Variants in CSMD3 observed in about 807,000 individuals in gnomAD.
The protein encoded by CSMD3 is CUB and sushi domain-containing protein 3.
In CSMD3, 177 loss-of-function variants were observed where a neutral mutation model predicts 435.2. The observed-to-expected ratio is 0.41, with a 90% CI of 0.36 to 0.46. CSMD3 has a LOEUF of 0.46. CSMD3 is among the 20% of genes least tolerant of loss of function. The pLI is 0.34. For synonymous variants in CSMD3, 1,656 were observed against 1,520.5 expected (o/e 1.09, Z -2.07); for missense variants, 4,265 against 4,504.6 (o/e 0.95, Z 1.52).
At chr8:112,896,180 C>G (rs1299812336) in intron 10 of CSMD3, among the ~76,000 whole-genome samples, 1 of 151,388 alleles carries the variant, frequency 6.6e-6, no homozygotes, top group Admixed American at 6.6e-5. Context: ...AATCTAGCCA[C>G]TGTCTTATAA....
chr8:113,139,647 C>T lies in CSMD3; in HGVS notation c.709+34075G>A, dbSNP rs372508094. ...TTCCACAAATATGCTCAAATAAACA[C>T]ATGAAAACAGAGAAAAGAAAATGAA... is the stretch of plus-strand genomic sequence containing the variant. On this transcript the variant is annotated intron_variant, in intron 4 of 70. Transcript: ENST00000297405. Among the ~76,000 whole-genome samples, 75 of 150,886 alleles carry T rather than the reference C, an allele frequency of 5.0e-4. No homozygotes were observed. The South Asian group carries it at 0.016, about 31-fold the overall frequency.
chr8:112,273,683 G>A (rs376521182), intron 59 of CSMD3, among the ~76,000 whole-genome samples: 4 of 143,100 alleles, frequency 2.8e-5, no homozygotes, highest in African/African-American at 8.0e-5. Context: ...CCGAGATCAT[G>A]CCACTGCACT....
At chr8:112,244,595 A>T in intron 64 of CSMD3, 22 bp from the exon 65 acceptor site, 1 of 1,608,544 alleles carries the variant, frequency 6.2e-7, no homozygotes, top group Non-Finnish European at 8.5e-7. Context: ...AAAGAGAACA[A>T]TGTAAATTTT....
At chr8:112,993,544 G>A (rs1161211942) in intron 6 of CSMD3, among the ~76,000 whole-genome samples, 1 of 151,718 alleles carries the variant, frequency 6.6e-6, no homozygotes, top group Non-Finnish European at 1.5e-5. Flanking sequence ...TGCCTATTAT[G>A]TGCTATGCAC....
intron 38 of CSMD3, among the ~76,000 whole-genome samples, chr8:112,358,667 C>T (rs185299358): frequency 6.6e-6 from 1 of 152,292 alleles, no homozygotes; most frequent in African/African-American, 2.4e-5. Context: ...ACGTGACTTG[C>T]TGTACTTTGC....
intron 3 of CSMD3, among the ~76,000 whole-genome samples, chr8:113,241,554 T>C (rs1290363662): frequency 2.0e-5 from 3 of 152,004 alleles, no homozygotes; most frequent in African/African-American, 7.2e-5. Context: ...GATGAGTTCT[T>C]CAAATGCTAT....
rs757604631 is a variant in CSMD3 at position 112,656,280 on chromosome 8, G to A, written c.2878C>T (p.Pro960Ser). The A allele has an allele frequency of 3.1e-6, 5 of 1,613,442 alleles. No individual in the cohort carries two copies. The South Asian group carries it at 4.4e-5, about 14-fold the overall frequency. Residue 960 changes from proline to serine, a missense_variant, in exon 18 of 71, where the codon CCC (proline) becomes TCC (serine). Coordinates refer to ENST00000297405, the MANE Select transcript of CSMD3 (RefSeq NM_198123.2). Reference protein sequence around the residue: ...EVHDGPNLLSPLLGSYNGTQV... With the variant: ...EVHDGPNLLSSLLGSYNGTQV... ...GTGCCATTGTAAGATCCAAGCAAGG[G>A]TGACAGAAGATTTGGCCCATCATGA... is the stretch of plus-strand genomic sequence containing the variant.
chr8:113,138,621 A>C (rs1250364407), intron 4 of CSMD3, among the ~76,000 whole-genome samples: 1 of 151,310 alleles, frequency 6.6e-6, no homozygotes, highest in Non-Finnish European at 1.5e-5. Context: ...TGGATAAAAG[A>C]CCTGAAAGAA....
intron 3 of CSMD3, among the ~76,000 whole-genome samples, chr8:113,238,095 G>A (rs1378847724): frequency 2.7e-5 from 4 of 147,988 alleles, no homozygotes; most frequent in Non-Finnish European, 4.5e-5. Context: ...AAAAAAAAAG[G>A]TGGGGAGTAC....
At chr8:112,928,604 A>C (rs987554931) in intron 9 of CSMD3, among the ~76,000 whole-genome samples, 17 of 150,870 alleles carry the variant, frequency 1.1e-4, no homozygotes, top group Non-Finnish European at 2.1e-4. Flanking sequence ...ATGTCCCTAC[A>C]AAGGACATGA....
At chr8:112,577,566 A>G (rs1377850897) in intron 23 of CSMD3, among the ~76,000 whole-genome samples, 3 of 152,072 alleles carry the variant, frequency 2.0e-5, no homozygotes, top group Non-Finnish European at 4.4e-5. Flanking sequence ...TTAAGGATTA[A>G]TATCATGAAA....
intron 13 of CSMD3, among the ~76,000 whole-genome samples, chr8:112,756,181 G>T (rs900615262): frequency 6.6e-6 from 1 of 152,072 alleles, no homozygotes; most frequent in East Asian, 1.9e-4. Flanking sequence ...TCCGTTCTGG[G>T]TATGTGAAAA....
chr8:112,976,966 C>T (rs1036173509), intron 6 of CSMD3, among the ~76,000 whole-genome samples: 36 of 151,744 alleles, frequency 2.4e-4, no homozygotes, highest in Non-Finnish European at 2.4e-4. Flanking sequence ...TGTATATGTG[C>T]GCATGTGTGT....
chr8:113,268,840 G>T (rs972933035), intron 3 of CSMD3, among the ~76,000 whole-genome samples: 2 of 151,992 alleles, frequency 1.3e-5, no homozygotes, highest in African/African-American at 4.8e-5. Flanking sequence ...TTATAGTCAA[G>T]AGGTCACCCA....
chr8:112,435,752 C>T (rs539243993), intron 32 of CSMD3, among the ~76,000 whole-genome samples: 4 of 152,050 alleles, frequency 2.6e-5, no homozygotes, highest in South Asian at 2.1e-4. Flanking sequence ...AAATGATTTA[C>T]GTCTTAGATT....
intron 13 of CSMD3, among the ~76,000 whole-genome samples, chr8:112,775,969 A>G (rs1301957324): frequency 6.6e-6 from 1 of 151,936 alleles, no homozygotes; most frequent in Non-Finnish European, 1.5e-5. Flanking sequence ...CAACTAAGAC[A>G]GCACATTTAC....
intron 20 of CSMD3, among the ~76,000 whole-genome samples, chr8:112,639,465 A>C (rs761391165): frequency 2.6e-5 from 4 of 152,164 alleles, no homozygotes; most frequent in African/African-American, 4.8e-5. Context: ...AAAAATGTAT[A>C]TATAAGTGTT....
chr8:113,407,926 A>G (rs1383327836), intron 1 of CSMD3, among the ~76,000 whole-genome samples: 2 of 152,162 alleles, frequency 1.3e-5, no homozygotes, highest in Admixed American at 6.5e-5. Context: ...AGCTTTTTGA[A>G]GTACGCCTAG....
At chr8:112,360,850 G>A (rs1827125166) in intron 38 of CSMD3, among the ~76,000 whole-genome samples, 1 of 151,902 alleles carries the variant, frequency 6.6e-6, no homozygotes, top group East Asian at 1.9e-4. Context: ...GTCATATGCT[G>A]ATGGCTTCAT....
Sources: gnomAD v4.1 joint callset for allele counts (sites outside exome capture counted in the v4.1 genomes callset) on GRCh38, gnomAD v4.1.1 for gene constraint, MANE v1.5 for transcripts, NCBI Gene and HGNC (gene_info 2026-07-23, HGNC 2026-07-21) for gene names.